WDR74: variants seen among roughly 807,000 people sequenced by gnomAD.
WDR74 encodes the protein WD repeat-containing protein 74.
In WDR74, 31 loss-of-function variants were observed where a neutral mutation model predicts 45.6. That is an observed-to-expected ratio of 0.68 (90% CI 0.51 to 0.92). The LOEUF (loss-of-function observed/expected upper bound fraction) is 0.92. Among genes scored for constraint, WDR74 ranks in the 40% least tolerant of loss-of-function variants. The pLI is 0.00. For missense variants in WDR74, 455 were observed against 497.2 expected (o/e 0.92, Z 0.81); for synonymous variants, 191 against 192.4 (o/e 0.99, Z 0.06).
chr11:62,837,501 A>AG (rs995745726), intron 3 of WDR74, among the ~76,000 whole-genome samples: 2 of 150,286 alleles, frequency 1.3e-5, no homozygotes, highest in Admixed American at 6.6e-5. Flanking sequence ...CGTATATAAA[A>AG]AAAAAACAAA....
chr11:62,835,408 G>A, intron 6 of WDR74, 23 bp downstream of exon 6: 3 of 1,604,328 alleles, frequency 1.9e-6, no homozygotes, highest in Non-Finnish European at 2.6e-6. Context: ...CCAGGAGAAG[G>A]CAGGTGTGAG....
upstream of WDR74, chr11:62,841,566 T>A (rs188260596): frequency 1.4e-4 from 22 of 152,158 alleles, no homozygotes; most frequent in African/African-American, 5.1e-4. Context: ...ATTTAGCTTG[T>A]ACCCTAACTG....
In WDR74 at chr11:62,835,499, T is replaced by C. The variant is rs1417881491; in HGVS notation, c.550A>G (p.Ile184Val). 4.3e-6 allele frequency: 7 copies of C among 1,613,914 alleles called. No individual in the cohort carries two copies. The highest frequency in any genetic ancestry group is 5.9e-6 in the Non-Finnish European group (7 of 1,179,860). Residue 184 changes from isoleucine to valine, a missense_variant, in exon 6 of 11, where the codon ATC becomes GTC. Coordinates refer to ENST00000278856, the MANE Select transcript of WDR74 (RefSeq NM_001369450.1). ...AGAAACTGTATGTCCTGGTCCCAGA[T>C]GGGAACCCGCAAGTCCAGCCAGTCA... is the stretch of plus-strand genomic sequence containing the variant. The part of the protein sequence containing the change: ...RNDWLDLRVP[I>V]WDQDIQFLPG...
intron 3 of WDR74, 139 bp from the exon 4 acceptor site, chr11:62,836,175 A>G (rs2084957473): frequency 2.4e-6 from 2 of 844,910 alleles, no homozygotes; most frequent in Non-Finnish European, 3.7e-6. Context: ...CCCCAAACTC[A>G]TATCAACCAG....
chr11:62,841,407 A>G (rs568401066), upstream of WDR74, among the ~76,000 whole-genome samples: 8 of 151,344 alleles, frequency 5.3e-5, no homozygotes, highest in African/African-American at 1.9e-4. Flanking sequence ...AGGCTGAAGT[A>G]TGAAGATTGC....
chr11:62,835,967 A>G lies in WDR74; in HGVS notation c.363T>C (p.Ser121=). ...VWHDKDKDTS[S]DPLLELRVGP... ...CAGGGCAGGGGAGCCTCACTGGGTCAGAGGATGTGTCCTTGTCCTTGTCAT... is the reference window on the plus strand; with the variant it reads ...CAGGGCAGGGGAGCCTCACTGGGTCGGAGGATGTGTCCTTGTCCTTGTCAT... The change falls in exon 4 of 11, where the codon TCT becomes TCC. Residue 121 remains serine (S), a synonymous_variant. Transcript: ENST00000278856. 1 of 1,594,066 alleles carries G rather than the reference A, an allele frequency of 6.3e-7. No homozygotes were observed. Among genetic ancestry groups the G allele is most frequent in the Non-Finnish European group, 8.5e-7 (1 of 1,170,182 alleles).
At chr11:62,839,684 G>A (rs1434694507), upstream of WDR74, 1 of 1,290,816 alleles carries the variant, frequency 7.7e-7, no homozygotes, top group Non-Finnish European at 1.1e-6. Flanking sequence ...AGCCGAAACA[G>A]TAAAGCTTCC....
In WDR74 at chr11:62,833,031, A is replaced by G. The variant is rs770521915; in HGVS notation, c.1079T>C (p.Leu360Pro). 3 of 1,610,668 alleles carry G rather than the reference A, an allele frequency of 1.9e-6. No homozygotes were observed. The highest frequency in any genetic ancestry group is 2.2e-5 in the South Asian group (2 of 90,422). ...TCCTTGGGGCTGCTCCAAACCCGAGAGCTTCCGCTTGGCAGCTGCCTCCAA... is the reference window on the plus strand; with the variant it reads ...TCCTTGGGGCTGCTCCAAACCCGAGGGCTTCCGCTTGGCAGCTGCCTCCAA... ...ASLEAAAKRK[L>P]SGLEQPQGAL... Residue 360 changes from leucine to proline, a missense_variant, in exon 11 of 11, where the codon CTC (leucine) becomes CCC (proline). By Grantham distance (98) the Leu-to-Pro change is moderately conservative (BLOSUM62 -3). Coordinates refer to ENST00000278856, the MANE Select transcript of WDR74 (RefSeq NM_001369450.1).
chr11:62,833,296 TAAAAAAAAAA>T (rs1048706100), intron 10 of WDR74, among the ~76,000 whole-genome samples, 165 bp from the exon 11 acceptor site: 31 of 50,862 alleles, frequency 6.1e-4, no homozygotes, highest in African/African-American at 1.3e-3. Context: ...AAAAGAAGTT[TAAAAAAAAAA>T]AAAAAAAAAA....
At chr11:62,840,909 G>A (rs1235888924), upstream of WDR74, among the ~76,000 whole-genome samples, 1 of 152,216 alleles carries the variant, frequency 6.6e-6, no homozygotes, top group Non-Finnish European at 1.5e-5. Context: ...ACCAGGCCGG[G>A]CGCGGTGGCT....
At position 62,838,624 on chromosome 11, in the gene WDR74, G is replaced by A. The variant is rs924572947; in HGVS notation, c.293+490C>T. Among the ~76,000 whole-genome samples, 3 of 152,046 alleles carry A rather than the reference G, an allele frequency of 2.0e-5. No homozygotes were observed. The East Asian group carries it at 5.9e-4, about 30-fold the overall frequency. On this transcript the variant is annotated intron_variant, in intron 3 of 10. Coordinates refer to ENST00000278856, the MANE Select transcript of WDR74 (RefSeq NM_001369450.1). ...AGATACAAAAATAGCCGCGCGTGGT[G>A]GCAGACGCCTGTAATCCCAGGTACT...
chr11:62,841,294 G>A (rs182997407), upstream of WDR74, among the ~76,000 whole-genome samples: 92 of 152,204 alleles, frequency 6.0e-4, no homozygotes, highest in Middle Eastern at 3.4e-3. Flanking sequence ...TCTAGCCTGG[G>A]CGACAGAGCA....
intron 10 of WDR74, 159 bp downstream of exon 10, chr11:62,833,459 T>C: frequency 1.1e-6 from 1 of 912,882 alleles, no homozygotes; most frequent in South Asian, 1.7e-5. Context: ...AATAACCCTC[T>C]CAGGATTTTA....
chr11:62,841,706 A>G (rs913449644), upstream of WDR74: 3 of 152,356 alleles, frequency 2.0e-5, no homozygotes, highest in African/African-American at 4.8e-5. Flanking sequence ...TCCTATTTCC[A>G]AAAATCCATT....
chr11:62,841,567 A>T (rs144035004), upstream of WDR74: 4 of 152,320 alleles, frequency 2.6e-5, no homozygotes, highest in African/African-American at 7.2e-5. Context: ...TTTAGCTTGT[A>T]CCCTAACTGA....
chr11:62,834,715 A>C, intron 6 of WDR74, 188 bp from the exon 7 acceptor site: 2 of 597,686 alleles, frequency 3.3e-6, no homozygotes, highest in Non-Finnish European at 2.9e-6. Context: ...AGCAGCATAA[A>C]TGGACAGAGC....
At chr11:62,841,375 T>C (rs1241970161), upstream of WDR74, among the ~76,000 whole-genome samples, 1 of 152,034 alleles carries the variant, frequency 6.6e-6, no homozygotes, top group Non-Finnish European at 1.5e-5. Flanking sequence ...TGGCAAGCGC[T>C]CAATAGTTCC....
Position 62,833,120 on chromosome 11 carries a change from T to C in WDR74, c.990A>G (p.Gln330=). The C allele has an allele frequency of 3.7e-6, 6 of 1,612,676 alleles. No individual in the cohort carries two copies. The highest frequency in any genetic ancestry group is 5.1e-6 in the Non-Finnish European group (6 of 1,179,532). ...GCACCTTGTTGGGTTCTTGAGGCTC[T>C]TGGGGCTCATCCTGGTGAGTGGGAA... ...SGRDNWEDEP[Q]EPQEPNKVPL... The change falls in exon 11 of 11, where the codon CAA becomes CAG. Residue 330 remains glutamine (Q), a synonymous_variant. Coordinates refer to ENST00000278856, the MANE Select transcript of WDR74 (RefSeq NM_001369450.1).
intron 10 of WDR74, among the ~76,000 whole-genome samples, 184 bp from the exon 11 acceptor site, chr11:62,833,315 A>G (rs1472138524): frequency 8.0e-5 from 12 of 150,540 alleles, no homozygotes; most frequent in Non-Finnish European, 1.8e-4. Flanking sequence ...AAAAAAAAAA[A>G]AAAAAAAAGA....
Sources: gnomAD v4.1 joint callset for allele counts (sites outside exome capture counted in the v4.1 genomes callset) on GRCh38, gnomAD v4.1.1 for gene constraint, MANE v1.5 for transcripts, NCBI Gene and HGNC (gene_info 2026-07-23, HGNC 2026-07-21) for gene names.